Variants in ZNF175 observed in about 807,000 individuals in gnomAD.
The protein encoded by ZNF175 is zinc finger protein OTK18.
In ZNF175, 8 loss-of-function variants were observed where a neutral mutation model predicts 14.0. That is an observed-to-expected ratio of 0.57 (90% CI 0.34 to 1.03). ZNF175 has a LOEUF of 1.03. ZNF175 is among the 50% of genes least tolerant of loss of function. ZNF175 has a pLI of 0.03. For missense variants in ZNF175, 764 were observed against 849.5 expected (o/e 0.90, Z 1.25); for synonymous variants, 255 against 296.8 (o/e 0.86, Z 1.45).
intron 2 of ZNF175, among the ~76,000 whole-genome samples, chr19:51,577,875 G>A (rs1277185709): frequency 1.3e-5 from 2 of 151,208 alleles, no homozygotes; most frequent in Admixed American, 6.6e-5. Context: ...GTGTTAGCCA[G>A]GATGGTCTCA....
Position 51,589,281 on chromosome 19 carries a change from T to A in ZNF175, c.*814T>A, listed in dbSNP as rs75538664. The A allele has an allele frequency of 6.3e-3, 3,122 of 492,954 alleles. 142 individuals carry two copies. In the East Asian group the frequency reaches 0.086, roughly 14 times the overall value. 30.5% of individuals were successfully genotyped at this position (492,954 alleles called of 1,614,324 possible). ...ATGTGTATGTATGCGTATGTATGTATGTATGTATGCCCTCAGTGCAGTGGG... is the reference window on the plus strand; with the variant it reads ...ATGTGTATGTATGCGTATGTATGTAAGTATGTATGCCCTCAGTGCAGTGGG... On this transcript the variant is annotated 3_prime_UTR_variant, in exon 5 of 5. Coordinates refer to ENST00000262259, the MANE Select transcript of ZNF175 (RefSeq NM_007147.4).
At chr19:51,574,890 A>T (rs1246315733) in intron 2 of ZNF175, among the ~76,000 whole-genome samples, 1 of 152,194 alleles carries the variant, frequency 6.6e-6, no homozygotes. Context: ...CATTTGAATC[A>T]ATACTGCTGT....
chr19:51,574,846 A>T (rs554141075), intron 2 of ZNF175, among the ~76,000 whole-genome samples: 8 of 152,038 alleles, frequency 5.3e-5, no homozygotes, highest in East Asian at 1.9e-4. Flanking sequence ...TAACAATGAA[A>T]TTTTTTTTCT....
intron 2 of ZNF175, among the ~76,000 whole-genome samples, chr19:51,578,794 G>T (rs1981896672): frequency 6.6e-6 from 1 of 151,858 alleles, no homozygotes; most frequent in African/African-American, 2.4e-5. Flanking sequence ...GACCTGAGAG[G>T]TTTACAGGAC....
At position 51,591,148 on chromosome 19, in the gene ZNF175, A is replaced by G; in HGVS notation, c.*2681A>G. The G allele has an allele frequency of 6.6e-6, 1 of 152,498 alleles. No individual in the cohort carries two copies. Among genetic ancestry groups the G allele is most frequent in the Non-Finnish European group, 1.5e-5 (1 of 68,296 alleles). The allele number at this position is 152,498 out of a possible 1,614,324, so 9.4% of individuals were successfully genotyped here. Reference sequence around the variant, plus strand: ...GTTCCCTGGCCATCCCACACCTCTGACCTCGTGCCACTTCCGGGGCCTGTT... The same window carrying G: ...GTTCCCTGGCCATCCCACACCTCTGGCCTCGTGCCACTTCCGGGGCCTGTT... On this transcript the variant is annotated 3_prime_UTR_variant, in exon 5 of 5. Transcript: ENST00000262259.
chr19:51,586,995 C>G lies in ZNF175; in HGVS notation c.664C>G (p.Gln222Glu). 6.2e-7 allele frequency: 1 copy of G among 1,614,204 alleles called. No homozygotes were observed. The highest frequency in any genetic ancestry group is 8.5e-7 in the Non-Finnish European group (1 of 1,180,018). Residue 222 changes from glutamine to glutamate, a missense_variant, in exon 5 of 5, where the codon CAG (glutamine) becomes GAG (glutamate). Physicochemically the swap from Gln to Glu is conservative, Grantham distance 29. Coordinates refer to ENST00000262259, the MANE Select transcript of ZNF175 (RefSeq NM_007147.4). ...NGQNESNDTE[Q>E]LDDVVGSGQL... ...TCAGAATGAAAGCAATGACACAGAA[C>G]AGCTTGATGACGTTGTTGGGTCTGG...
chr19:51,589,036 G>A lies in ZNF175; in HGVS notation c.*569G>A, dbSNP rs2122580660. 1 of 260,950 alleles carries A rather than the reference G, an allele frequency of 3.8e-6. No individual in the cohort carries two copies. Among genetic ancestry groups the A allele is most frequent in the Non-Finnish European group, 7.1e-6 (1 of 140,928 alleles). The allele number at this position is 260,950 out of a possible 1,614,324, so 16.2% of individuals were successfully genotyped here. ...GGATTTCAGATACTTACAGATTTTG[G>A]AATATTTGCATTATATTTATTGGTT... On this transcript the variant is annotated 3_prime_UTR_variant, in exon 5 of 5. Coordinates refer to ENST00000262259, the MANE Select transcript of ZNF175 (RefSeq NM_007147.4).
rs150573174 is a variant in ZNF175, at chr19:51,587,374, C to G, written c.1043C>G (p.Ser348Ter). The G allele has an allele frequency of 1.2e-6, 2 of 1,614,004 alleles. No homozygotes were observed. Among genetic ancestry groups the G allele is most frequent in the Non-Finnish European group, 1.7e-6 (2 of 1,180,010 alleles). ...KECGKVFIQR[S>*]ELLTHQKTHT... Reference sequence around the variant, plus strand: ...TGTGGGAAGGTCTTTATTCAGAGATCAGAATTGCTTACGCACCAGAAAACA... The same window carrying G: ...TGTGGGAAGGTCTTTATTCAGAGATGAGAATTGCTTACGCACCAGAAAACA... Residue 348 changes from serine to a stop codon, truncating the protein, a stop_gained, in exon 5 of 5, where the codon TCA becomes TGA. Transcript: ENST00000262259. LOFTEE classifies it low-confidence loss of function (END_TRUNC).
chr19:51,592,404 A>G lies in ZNF175; in HGVS notation c.*3937A>G. On this transcript the variant is annotated 3_prime_UTR_variant, in exon 5 of 5. Transcript: ENST00000262259. ...CGTTAATTATGTAAAGTCAAGCATTAGAATGGTGGCTGTCCACCATGAGTA... is the reference window on the plus strand; with the variant it reads ...CGTTAATTATGTAAAGTCAAGCATTGGAATGGTGGCTGTCCACCATGAGTA... 2.1e-6 allele frequency: 1 copy of G among 473,298 alleles called. No homozygotes were observed. The highest frequency in any genetic ancestry group is 3.7e-6 in the Non-Finnish European group (1 of 271,802). 29.3% of individuals were successfully genotyped at this position (473,298 alleles called of 1,614,324 possible). A position where few individuals can be genotyped will look rare whatever the true frequency, so the allele number is the denominator to read the frequency against.
In ZNF175 at chr19:51,588,647, C is replaced by T. The variant is rs1262481057; in HGVS notation, c.*180C>T. On this transcript the variant is annotated 3_prime_UTR_variant, in exon 5 of 5. Transcript: ENST00000262259. Reference sequence around the variant, plus strand: ...AAGTCATGCTTTATTTTAGTGAGGGCAATTACAGAGAAAAGAGTAAGCAGA... The same window carrying T: ...AAGTCATGCTTTATTTTAGTGAGGGTAATTACAGAGAAAAGAGTAAGCAGA... The T allele has an allele frequency of 1.6e-6, 1 of 621,050 alleles. No individual in the cohort carries two copies. The highest frequency in any genetic ancestry group is 1.9e-5 in the African/African-American group (1 of 52,510). The allele number at this position is 621,050 out of a possible 1,614,324, so 38.5% of individuals were successfully genotyped here.
chr19:51,573,602 G>A (rs1981670204), intron 2 of ZNF175: 1 of 564,410 alleles, frequency 1.8e-6, no homozygotes, highest in African/African-American at 2.0e-5. Context: ...ATAGTAGAGG[G>A]TTGGCCTTGG....
chr19:51,577,898 C>T (rs1039663914), intron 2 of ZNF175, among the ~76,000 whole-genome samples: 18 of 151,250 alleles, frequency 1.2e-4, no homozygotes, highest in Middle Eastern at 3.5e-3. Context: ...CTCCTGACCT[C>T]GTGATCCGCC....
chr19:51,585,337 A>C (rs1008905467), intron 4 of ZNF175, among the ~76,000 whole-genome samples: 1 of 152,192 alleles, frequency 6.6e-6, no homozygotes, highest in African/African-American at 2.4e-5. Flanking sequence ...GAAATTGTTT[A>C]ATGGATACAG....
chr19:51,589,332 C>T lies in ZNF175; in HGVS notation c.*865C>T, dbSNP rs1568578529. On this transcript the variant is annotated 3_prime_UTR_variant, in exon 5 of 5. Coordinates refer to ENST00000262259, the MANE Select transcript of ZNF175 (RefSeq NM_007147.4). ...GTTTGCTGCAGAATTCACTGCATAG[C>T]AGGAGATGTAAGCAGATGAGTTATT... 3.5e-6 allele frequency: 2 copies of T among 565,820 alleles called. No individual in the cohort carries two copies. The highest frequency in any genetic ancestry group is 5.8e-5 in the East Asian group (2 of 34,406). 35.0% of individuals were successfully genotyped at this position (565,820 alleles called of 1,614,324 possible). A position where few individuals can be genotyped will look rare whatever the true frequency, so the allele number is the denominator to read the frequency against.
At chr19:51,582,586 C>T (rs551181073) in intron 4 of ZNF175, among the ~76,000 whole-genome samples, 8 of 152,286 alleles carry the variant, frequency 5.3e-5, no homozygotes, top group African/African-American at 1.7e-4. Flanking sequence ...CGTGAGCCAC[C>T]GCACCCAGCC....
chr19:51,572,651 AGATGTGGGGCT>A (rs1407338626), intron 1 of ZNF175, among the ~76,000 whole-genome samples: 1 of 110,870 alleles, frequency 9.0e-6, no homozygotes, highest in Non-Finnish European at 2.3e-5. Flanking sequence ...AGAACAAGGC[AGATGTGGGGCT>A]GATTCCCTGT....
intron 2 of ZNF175, among the ~76,000 whole-genome samples, chr19:51,581,123 C>A (rs1056146220): frequency 6.6e-6 from 1 of 151,774 alleles, no homozygotes; most frequent in Non-Finnish European, 1.5e-5. Context: ...GCTGGTTATT[C>A]CTAAATTAGC....
At position 51,587,928 on chromosome 19, in the gene ZNF175, T is replaced by G; in HGVS notation, c.1597T>G (p.Cys533Gly). 1 of 1,614,234 alleles carries G rather than the reference T, an allele frequency of 6.2e-7. No homozygotes were observed. Among genetic ancestry groups the G allele is most frequent in the Non-Finnish European group, 8.5e-7 (1 of 1,180,036 alleles). Residue 533 changes from cysteine (C) to glycine (G), a missense_variant, in exon 5 of 5, where the codon TGC becomes GGC. Physicochemically the swap from Cys to Gly is radical, Grantham distance 159 (BLOSUM62 -3). Transcript: ENST00000262259. Reference sequence around the variant, plus strand: ...TCATACTGGAGAAAGACACCATGTATGCAGTGAATGCGGGAAAGCCTTCAA... The same window carrying G: ...TCATACTGGAGAAAGACACCATGTAGGCAGTGAATGCGGGAAAGCCTTCAA... ...KIHTGERHHV[C>G]SECGKAFNQK...
At chr19:51,582,403 T>A (rs148948567) in intron 4 of ZNF175, among the ~76,000 whole-genome samples, 16,778 of 152,146 alleles carry the variant, frequency 0.11, 1,247 homozygotes, top group Middle Eastern at 0.16. Context: ...GTTCAAGTGA[T>A]TCTCCTGCCT....
Sources: allele counts gnomAD v4.1 joint callset (sites outside exome capture counted in the v4.1 genomes callset), GRCh38; gene constraint gnomAD v4.1.1; transcripts MANE v1.5; gene names NCBI Gene and HGNC (gene_info 2026-07-23, HGNC 2026-07-21).